The following FSIP2 variants were observed in gnomAD, a reference collection of about 807,000 sequenced individuals.
FSIP2 encodes fibrous sheath interacting protein 2.
A neutral mutation model predicts 510.5 loss-of-function variants in FSIP2; 367 were observed. That is an observed-to-expected ratio of 0.72 (90% confidence interval 0.66 to 0.78). The LOEUF is 0.78. FSIP2 is among the 30% of genes least tolerant of loss of function. FSIP2 has a pLI of 0.00. For synonymous variants in FSIP2, 2,601 were observed against 2,732.2 expected (o/e 0.95, Z 1.50); for missense variants, 7,594 against 7,901.7 (o/e 0.96, Z 1.48).
At chr2:185,740,775 C>G (rs1691907359) in intron 2 of FSIP2, among the ~76,000 whole-genome samples, 1 of 152,002 alleles carries the variant, frequency 6.6e-6, no homozygotes, top group South Asian at 2.1e-4. Context: ...TCCCTGTGGT[C>G]TCTATAGGAA....
At chr2:185,745,188 C>A (rs1412769576) in intron 4 of FSIP2, 1 of 268,536 alleles carries the variant, frequency 3.7e-6, no homozygotes, top group Non-Finnish European at 6.9e-6. Flanking sequence ...TCTCTACTTC[C>A]TGCATATTTT....
intron 2 of FSIP2, among the ~76,000 whole-genome samples, chr2:185,740,858 C>G (rs1559007275): frequency 6.6e-6 from 1 of 152,116 alleles, no homozygotes; most frequent in African/African-American, 2.4e-5. Context: ...CTAATGCCAT[C>G]ACACTGAAGA....
chr2:185,774,012 A>C (rs78289581), intron 13 of FSIP2, among the ~76,000 whole-genome samples: 1 of 152,288 alleles, frequency 6.6e-6, no homozygotes, highest in African/African-American at 2.4e-5. Flanking sequence ...AATGGAGATA[A>C]ATTTTCTGGG....
At chr2:185,747,523 T>C (rs1319601829) in intron 7 of FSIP2, 100 bp downstream of exon 7, 4 of 614,432 alleles carry the variant, frequency 6.5e-6, no homozygotes, top group Non-Finnish European at 8.6e-6. Flanking sequence ...TGTTGCCCAG[T>C]TACTCCAAAT....
chr2:185,739,540 T>C (rs1031527933), intron 2 of FSIP2, 69 bp downstream of exon 2: 5 of 1,298,574 alleles, frequency 3.9e-6, no homozygotes, highest in Non-Finnish European at 5.0e-6. Context: ...AAAGGCTGCA[T>C]CATACAAAAT....
In FSIP2 at chr2:185,752,540, A is replaced by C. The variant is rs1692170087; in HGVS notation, c.871-1182A>C. On this transcript the variant is annotated intron_variant, in intron 7 of 22. Coordinates refer to ENST00000424728, the MANE Select transcript of FSIP2 (RefSeq NM_173651.4). ...TATCTTTTCTCTCCTCTCTTCAGGC[A>C]TATTAGGCTGCTTGAAGTTGTCCCA... 2.0e-5 allele frequency among the ~76,000 whole-genome samples: 3 copies of C among 151,270 alleles called. No homozygotes were observed. The South Asian group carries it at 6.2e-4, about 31-fold the overall frequency.
At chr2:185,746,430 T>C (rs1243708501) in intron 5 of FSIP2, among the ~76,000 whole-genome samples, 1 of 152,110 alleles carries the variant, frequency 6.6e-6, no homozygotes, top group African/African-American at 2.4e-5. Context: ...ACCATTATCT[T>C]TGCCATTATA....
In FSIP2 at chr2:185,801,521, A is replaced by G. The variant is rs1266073456; in HGVS notation, c.12215A>G (p.Asn4072Ser). The change falls in exon 17 of 23, where the codon AAT becomes AGT. Residue 4072 changes from asparagine (N) to serine (S), a missense_variant. By Grantham distance (46) the Asn-to-Ser change is conservative. Transcript: ENST00000424728. ...TGTGGTAATAATCCGGTATACGACA[A>G]TGCCTCAATAGCAGAACAAATAACA... ...VACGNNPVYD[N>S]ASIAEQITNG... The G allele has an allele frequency of 1.3e-6, 2 of 1,533,112 alleles. No homozygotes were observed. Among genetic ancestry groups the G allele is most frequent in the Admixed American group, 2.0e-5 (1 of 50,842 alleles). The allele number at this position is 1,533,112 out of a possible 1,614,324, so 95.0% of individuals were successfully genotyped here.
chr2:185,827,163 C>T (rs1000969994), intron 20 of FSIP2, among the ~76,000 whole-genome samples: 1 of 151,826 alleles, frequency 6.6e-6, no homozygotes, highest in Non-Finnish European at 1.5e-5. Flanking sequence ...GATTTAGGCG[C>T]TTTTTAGGAA....
intron 15 of FSIP2, among the ~76,000 whole-genome samples, chr2:185,786,660 T>C (rs12991698): frequency 0.097 from 14,751 of 151,770 alleles, 768 homozygotes; most frequent in Middle Eastern, 0.14. Flanking sequence ...AGTAGGTGAG[T>C]TGAGATGCTT....
At chr2:185,826,448 C>G (rs1254113751) in intron 20 of FSIP2, among the ~76,000 whole-genome samples, 1 of 151,772 alleles carries the variant, frequency 6.6e-6, no homozygotes, top group Non-Finnish European at 1.5e-5. Context: ...TGTACTCTTT[C>G]CCCTATATCT....
At chr2:185,753,000 G>A (rs919075460) in intron 7 of FSIP2, among the ~76,000 whole-genome samples, 1 of 151,300 alleles carries the variant, frequency 6.6e-6, no homozygotes, top group Non-Finnish European at 1.5e-5. Flanking sequence ...GGTGGGGTGA[G>A]AGCCATATTT....
intron 13 of FSIP2, among the ~76,000 whole-genome samples, chr2:185,768,197 G>A (rs1232417124): frequency 2.0e-5 from 3 of 151,992 alleles, no homozygotes; most frequent in Non-Finnish European, 4.4e-5. Context: ...TGGTTTACAA[G>A]TATTTTATAC....
chr2:185,786,546 G>A (rs2105604381), intron 15 of FSIP2, among the ~76,000 whole-genome samples: 1 of 151,904 alleles, frequency 6.6e-6, no homozygotes, highest in South Asian at 2.1e-4. Flanking sequence ...AGATATTAAC[G>A]GATCTATAAC....
intron 14 of FSIP2, among the ~76,000 whole-genome samples, chr2:185,783,167 G>A (rs1007376946): frequency 3.5e-4 from 53 of 151,964 alleles, no homozygotes; most frequent in Non-Finnish European, 6.2e-4. Flanking sequence ...TGACTTAATC[G>A]GTTATTCCCC....
At chr2:185,754,797 A>G (rs1378930647) in intron 8 of FSIP2, among the ~76,000 whole-genome samples, 1 of 151,404 alleles carries the variant, frequency 6.6e-6, no homozygotes, top group Non-Finnish European at 1.5e-5. Context: ...TGGAAGTCCA[A>G]TCCTGTTTCA....
In FSIP2 at chr2:185,802,913, C is replaced by A. The variant is rs1303030796; in HGVS notation, c.13607C>A (p.Ser4536Ter). The A allele has an allele frequency of 1.3e-6, 2 of 1,500,130 alleles. No homozygotes were observed. The highest frequency in any genetic ancestry group is 4.7e-5 in the Admixed American group (2 of 42,774). The allele number at this position is 1,500,130 out of a possible 1,614,324, so 92.9% of individuals were successfully genotyped here. A position where few individuals can be genotyped will look rare whatever the true frequency, so the allele number is the denominator to read the frequency against. ...GAAGAAGAAACCAAGTTTATTTATT[C>A]AGAAGATGATATTCAGCACCTTGTT... ...KEEEETKFIY[S>*]EDDIQHLVDS... Residue 4536 changes from serine to a stop codon, truncating the protein, a stop_gained, in exon 17 of 23, where the codon TCA (serine) becomes TAA (stop). Coordinates refer to ENST00000424728, the MANE Select transcript of FSIP2 (RefSeq NM_173651.4). LOFTEE classifies it high-confidence loss of function.
At chr2:185,739,545 CA>C (rs1488187639) in intron 2 of FSIP2, 74 bp downstream of exon 2, 13 of 1,268,506 alleles carry the variant, frequency 1.0e-5, no homozygotes, top group Non-Finnish European at 1.0e-5. Flanking sequence ...CTGCATCATA[CA>C]AAATTCATTA....
chr2:185,759,676 TTTA>T lies in FSIP2; in HGVS notation c.1079-1306_1079-1304del, dbSNP rs1340507523. Among the ~76,000 whole-genome samples the T allele has an allele frequency of 5.7e-4, 84 of 146,840 alleles. No homozygotes were observed. The South Asian group carries it at 0.01, about 18-fold the overall frequency. On this transcript the variant is annotated intron_variant, in intron 9 of 22. Transcript: ENST00000424728. ...TATATATTATATATTATACATAATATTTATTATTTGTTTTGTTTATAATTCTTG... is the reference window on the plus strand; with the variant it reads ...TATATATTATATATTATACATAATATTTATTTGTTTTGTTTATAATTCTTG...
Sources: allele counts gnomAD v4.1 joint callset (sites outside exome capture counted in the v4.1 genomes callset), GRCh38; gene constraint gnomAD v4.1.1; transcripts MANE v1.5; gene names NCBI Gene and HGNC (gene_info 2026-07-23, HGNC 2026-07-21).